TRPM3: variants seen among roughly 807,000 people sequenced by gnomAD.
The protein encoded by TRPM3 is long transient receptor potential channel 3.
Under a neutral mutation model 181.2 loss-of-function variants are expected in TRPM3, and 77 were observed. The ratio of observed to expected loss-of-function variants is 0.42; its 90% CI spans 0.35 to 0.51. The LOEUF (loss-of-function observed/expected upper bound fraction) is 0.51. Ranked by LOEUF, TRPM3 falls within the 20% of genes least tolerant of loss-of-function variation. The pLI is 0.01. For missense variants in TRPM3, 1,759 were observed against 2,196.7 expected (o/e 0.80, Z 3.98); for synonymous variants, 745 against 796.4 (o/e 0.94, Z 1.09).
At chr9:71,203,418 G>C (rs1312996983) in intron 1 of TRPM3, among the ~76,000 whole-genome samples, 1 of 152,034 alleles carries the variant, frequency 6.6e-6, no homozygotes, top group Non-Finnish European at 1.5e-5. Flanking sequence ...GCTTAATTTT[G>C]TACTAAAACA....
At chr9:70,834,389 C>T (rs2094160354) in intron 5 of TRPM3, among the ~76,000 whole-genome samples, 1 of 152,194 alleles carries the variant, frequency 6.6e-6, no homozygotes, top group African/African-American at 2.4e-5. Flanking sequence ...GCTACAGAAC[C>T]TACTGGCAGT....
At position 70,674,121 on chromosome 9, in the gene TRPM3, A is replaced by G. The variant is rs143400815; in HGVS notation, c.1345+7385T>C. Among the ~76,000 whole-genome samples the G allele has an allele frequency of 5.1e-3, 771 of 152,332 alleles. 11 individuals are homozygous for G. The highest frequency in any genetic ancestry group is 0.018 in the African/African-American group (736 of 41,576). ...GTGGTATATTAAACTGTCTGCCCAC[A>G]GGAAAGAGGGGCAGCAAGTCTTGTA... On this transcript the variant is annotated intron_variant, in intron 9 of 25. Transcript: ENST00000677713.
chr9:70,880,835 A>G (rs1486916982), intron 1 of TRPM3, among the ~76,000 whole-genome samples: 4 of 152,134 alleles, frequency 2.6e-5, no homozygotes, highest in Non-Finnish European at 5.9e-5. Context: ...AAGTCACTCA[A>G]TTAGTGCTTC....
At chr9:70,619,346 CAT>C (rs2063260130) in intron 16 of TRPM3, among the ~76,000 whole-genome samples, 1 of 149,388 alleles carries the variant, frequency 6.7e-6, no homozygotes, top group Admixed American at 6.7e-5. Flanking sequence ...CAGATTCAGT[CAT>C]ATGAGTGTAG....
At chr9:71,050,167 A>G (rs974261676) in intron 1 of TRPM3, among the ~76,000 whole-genome samples, 4 of 152,196 alleles carry the variant, frequency 2.6e-5, no homozygotes, top group Admixed American at 6.5e-5. Flanking sequence ...GAATCAATAC[A>G]TAGAGAAAAT....
At chr9:71,435,651 A>G (rs371794709) in intron 1 of TRPM3, among the ~76,000 whole-genome samples, 5 of 152,246 alleles carry the variant, frequency 3.3e-5, no homozygotes, top group African/African-American at 1.2e-4. Flanking sequence ...TTTTCTAGTG[A>G]AGCGTTAACA....
chr9:71,379,395 A>C (rs1056899622), intron 1 of TRPM3, among the ~76,000 whole-genome samples: 1 of 152,074 alleles, frequency 6.6e-6, no homozygotes, highest in Non-Finnish European at 1.5e-5. Context: ...AGCATAGTCA[A>C]TTGACTAACT....
intron 11 of TRPM3, among the ~76,000 whole-genome samples, chr9:70,635,897 G>C (rs563809883): frequency 1.2e-4 from 19 of 152,282 alleles, no homozygotes; most frequent in African/African-American, 4.1e-4. Context: ...AAATATGATG[G>C]AAGAAGCCAG....
At chr9:70,797,220 CTCA>C (rs1458463808) in intron 6 of TRPM3, among the ~76,000 whole-genome samples, 1 of 152,096 alleles carries the variant, frequency 6.6e-6, no homozygotes, top group Non-Finnish European at 1.5e-5. Context: ...TAATTTTCTC[CTCA>C]TCAACTGACC....
chr9:71,325,011 AT>A (rs1306467474), intron 1 of TRPM3, among the ~76,000 whole-genome samples: 1 of 152,112 alleles, frequency 6.6e-6, no homozygotes, highest in African/African-American at 2.4e-5. Context: ...GTAAGAAGAA[AT>A]AAACTCAATG....
intron 6 of TRPM3, among the ~76,000 whole-genome samples, chr9:70,820,862 C>T (rs1375935010): frequency 6.6e-6 from 1 of 152,124 alleles, no homozygotes; most frequent in East Asian, 1.9e-4. Flanking sequence ...GGCTACCTGC[C>T]ACTGTTACTT....
intron 1 of TRPM3, among the ~76,000 whole-genome samples, chr9:71,270,783 G>A (rs184714565): frequency 1.9e-4 from 29 of 152,296 alleles, no homozygotes; most frequent in Admixed American, 1.2e-3. Flanking sequence ...GATGTGTCAA[G>A]GCTGAGACAT....
chr9:70,843,799 C>G (rs1365808606), intron 4 of TRPM3, among the ~76,000 whole-genome samples: 1 of 151,706 alleles, frequency 6.6e-6, no homozygotes, highest in Non-Finnish European at 1.5e-5. Context: ...TTTTAAAAAC[C>G]ATTTAAAGAA....
Position 70,535,927 on chromosome 9 carries a change from C to A in TRPM3, c.*26G>T, listed in dbSNP as rs757609658. 7.8e-6 allele frequency: 12 copies of A among 1,542,806 alleles called. No individual in the cohort carries two copies. Among genetic ancestry groups the A allele is most frequent in the Non-Finnish European group, 1.7e-6 (2 of 1,147,848 alleles). ...AGAATTTTAGGGCTGGATTCTTGAG[C>A]CTTCTGTGGCGGATATTAAGAAGGT... On this transcript the variant is annotated 3_prime_UTR_variant, in exon 26 of 26. Transcript: ENST00000677713.
chr9:71,212,610 G>A (rs978576643), intron 1 of TRPM3, among the ~76,000 whole-genome samples: 2 of 152,140 alleles, frequency 1.3e-5, no homozygotes, highest in Non-Finnish European at 2.9e-5. Flanking sequence ...TCAAGAAGGT[G>A]CATGGCTGAC....
intron 1 of TRPM3, among the ~76,000 whole-genome samples, chr9:71,063,388 G>T (rs2061545083): frequency 6.6e-6 from 1 of 152,150 alleles, no homozygotes; most frequent in Non-Finnish European, 1.5e-5. Flanking sequence ...TGTTGAAAGT[G>T]ACATGGTCCT....
chr9:71,301,243 A>C (rs1316984847), intron 1 of TRPM3, among the ~76,000 whole-genome samples: 1 of 152,146 alleles, frequency 6.6e-6, no homozygotes, highest in East Asian at 1.9e-4. Context: ...CACCCTGTCC[A>C]AGAGCACCCA....
At chr9:70,646,807 G>C (rs1447392097) in intron 9 of TRPM3, among the ~76,000 whole-genome samples, 1 of 146,278 alleles carries the variant, frequency 6.8e-6, no homozygotes, top group Admixed American at 6.9e-5. Flanking sequence ...AAAGAAAAAA[G>C]AGAGAAGATC....
intron 22 of TRPM3, among the ~76,000 whole-genome samples, chr9:70,573,948 G>A (rs1382977302): frequency 3.4e-5 from 5 of 147,704 alleles, no homozygotes; most frequent in Non-Finnish European, 7.4e-5. Context: ...ATGCAGAAAT[G>A]TAGCTTAAAT....
Sources: allele counts gnomAD v4.1 joint callset (sites outside exome capture counted in the v4.1 genomes callset), GRCh38; gene constraint gnomAD v4.1.1; transcripts MANE v1.5; gene names NCBI Gene and HGNC (gene_info 2026-07-23, HGNC 2026-07-21).